Variants in SPTBN1 observed in about 807,000 individuals in gnomAD.
SPTBN1 encodes the protein spectrin beta chain, non-erythrocytic 1.
A neutral mutation model predicts 266.4 loss-of-function variants in SPTBN1; 32 were observed. The ratio of observed to expected loss-of-function variants is 0.12; its 90% CI spans 0.09 to 0.16. The LOEUF is 0.16. Ranked by LOEUF, SPTBN1 falls within the 10% of genes least tolerant of loss-of-function variation. The pLI is 1.00. For missense variants in SPTBN1, 2,296 were observed against 3,067.1 expected (o/e 0.75, Z 5.94); for synonymous variants, 1,336 against 1,162.2 (o/e 1.15, Z -3.04).
At chr2:54,468,210 G>A (rs1693735379) in intron 1 of SPTBN1, among the ~76,000 whole-genome samples, 1 of 152,116 alleles carries the variant, frequency 6.6e-6, no homozygotes, top group East Asian at 1.9e-4. Context: ...GGGAGGCTGA[G>A]GCAGGAGAAT....
intron 17 of SPTBN1, among the ~76,000 whole-genome samples, chr2:54,634,001 C>G (rs1455726775): frequency 2.0e-5 from 3 of 152,216 alleles, no homozygotes; most frequent in Admixed American, 2.0e-4. Flanking sequence ...AATAAATCCA[C>G]CAAACCCTCC....
intron 1 of SPTBN1, chr2:54,516,440 T>A (rs1670113673): frequency 6.6e-6 from 1 of 152,196 alleles, no homozygotes; most frequent in Non-Finnish European, 1.5e-5. Context: ...TGGTACAAGA[T>A]TCAATAGTGA....
chr2:54,588,698 C>T (rs113340813), intron 2 of SPTBN1, among the ~76,000 whole-genome samples: 1 of 152,162 alleles, frequency 6.6e-6, no homozygotes, highest in Non-Finnish European at 1.5e-5. Flanking sequence ...GATCAGTCAC[C>T]CTGACTGCAG....
chr2:54,612,028 A>T, intron 3 of SPTBN1, 133 bp from the exon 4 acceptor site: 1 of 877,286 alleles, frequency 1.1e-6, no homozygotes, highest in Non-Finnish European at 1.7e-6. Context: ...CTTAATGAGT[A>T]CATGTGTTTG....
intron 24 of SPTBN1, 59 bp from the exon 25 acceptor site, chr2:54,648,927 C>T (rs1407902229): frequency 1.4e-5 from 21 of 1,466,776 alleles, no homozygotes; most frequent in Non-Finnish European, 1.9e-5. Context: ...TTGTTTTTCC[C>T]CTGAAGAAAC....
At chr2:54,661,680 G>A in intron 32 of SPTBN1, 1 of 985,650 alleles carries the variant, frequency 1.0e-6, no homozygotes, top group Non-Finnish European at 1.2e-6. Context: ...GTGTGTTTGT[G>A]GCTCCAAGTT....
At chr2:54,516,144 G>A (rs911248984) in intron 1 of SPTBN1, 1 of 152,112 alleles carries the variant, frequency 6.6e-6, no homozygotes, top group Non-Finnish European at 1.5e-5. Context: ...AGGCCAATTT[G>A]TTCATTTAAA....
At chr2:54,609,429 A>C (rs1262369424) in intron 3 of SPTBN1, among the ~76,000 whole-genome samples, 1 of 152,194 alleles carries the variant, frequency 6.6e-6, no homozygotes, top group Non-Finnish European at 1.5e-5. Context: ...CATTTTCTTC[A>C]GCAGGAATGT....
intron 4 of SPTBN1, among the ~76,000 whole-genome samples, 187 bp downstream of exon 4, chr2:54,612,521 A>G (rs2103800365): frequency 6.6e-6 from 1 of 152,252 alleles, no homozygotes; most frequent in East Asian, 1.9e-4. Flanking sequence ...GGAAGCTACT[A>G]CATCCTCCTG....
At chr2:54,611,164 TCTA>T (rs527831773) in intron 3 of SPTBN1, among the ~76,000 whole-genome samples, 2 of 152,212 alleles carry the variant, frequency 1.3e-5, no homozygotes, top group South Asian at 2.1e-4. Context: ...TAGACTAACA[TCTA>T]TATATATTTT....
At chr2:54,466,206 C>T (rs1027773310) in intron 1 of SPTBN1, among the ~76,000 whole-genome samples, 12 of 151,954 alleles carry the variant, frequency 7.9e-5, no homozygotes, top group Non-Finnish European at 1.6e-4. Context: ...ACTAGTTAGG[C>T]AGTAAAATAT....
At chr2:54,600,565 G>T (rs55815043) in intron 3 of SPTBN1, among the ~76,000 whole-genome samples, 79 of 152,278 alleles carry the variant, frequency 5.2e-4, no homozygotes, top group South Asian at 4.8e-3. Flanking sequence ...ATTTTGATTT[G>T]ATTTTCCAAA....
chr2:54,633,695 C>G (rs962645827), intron 17 of SPTBN1, among the ~76,000 whole-genome samples: 13 of 152,212 alleles, frequency 8.5e-5, no homozygotes, highest in Non-Finnish European at 4.4e-5. Context: ...CCCTTCCTTT[C>G]TGCCTCTCTT....
intron 1 of SPTBN1, among the ~76,000 whole-genome samples, chr2:54,494,790 G>C (rs1668875846): frequency 6.6e-6 from 1 of 152,162 alleles, no homozygotes; most frequent in South Asian, 2.1e-4. Flanking sequence ...AAACTTAGGA[G>C]TGATGGGTAT....
chr2:54,614,640 TAAAAATAC>T (rs1677465717), intron 4 of SPTBN1, among the ~76,000 whole-genome samples: 1 of 151,882 alleles, frequency 6.6e-6, no homozygotes, highest in African/African-American at 2.4e-5. Context: ...CTGCCTCTAC[TAAAAATAC>T]AAAAATTAGC....
chr2:54,551,919 T>G (rs1186416368), intron 2 of SPTBN1, among the ~76,000 whole-genome samples: 1 of 152,326 alleles, frequency 6.6e-6, no homozygotes, highest in Non-Finnish European at 1.5e-5. Context: ...ATAGGACTTC[T>G]GTAACTTGTT....
At chr2:54,618,340 A>T (rs141355800) in intron 7 of SPTBN1, 147 bp downstream of exon 7, 1 of 672,706 alleles carries the variant, frequency 1.5e-6, no homozygotes, top group East Asian at 2.7e-5. Flanking sequence ...TTGAGGATTT[A>T]TGGAAAGGAT....
rs762629713 is a variant in SPTBN1, at chr2:54,647,286, G to A, written c.4997+25G>A. 3.7e-6 allele frequency: 6 copies of A among 1,611,050 alleles called. No individual in the cohort carries two copies. The South Asian group carries it at 5.5e-5, about 15-fold the overall frequency. Reference sequence around the variant, plus strand: ...GGTGAGCGCTGCTTCATGAGTGTGAGACCCGGCTCTCGATTCCTCTCAGTT... The same window carrying A: ...GGTGAGCGCTGCTTCATGAGTGTGAAACCCGGCTCTCGATTCCTCTCAGTT... On this transcript the variant is annotated intron_variant, in intron 24 of 35. Coordinates refer to ENST00000356805, the MANE Select transcript of SPTBN1 (RefSeq NM_003128.3).
intron 1 of SPTBN1, among the ~76,000 whole-genome samples, chr2:54,477,747 A>C (rs971260913): frequency 1.3e-5 from 2 of 152,162 alleles, no homozygotes; most frequent in African/African-American, 4.8e-5. Context: ...CCCCGTCTCT[A>C]CTAAAAATGC....
Sources: allele counts gnomAD v4.1 joint callset (sites outside exome capture counted in the v4.1 genomes callset), GRCh38; gene constraint gnomAD v4.1.1; transcripts MANE v1.5; gene names NCBI Gene and HGNC (gene_info 2026-07-23, HGNC 2026-07-21).